The following PIK3R6 variants were observed in gnomAD, a reference collection of about 807,000 sequenced individuals.
The protein encoded by PIK3R6 is phosphoinositide-3-kinase regulatory subunit 6, also known as phosphoinositide 3-kinase regulatory subunit 6.
Under a neutral mutation model 84.9 loss-of-function variants are expected in PIK3R6, and 91 were observed. The observed-to-expected ratio is 1.07, with a 90% confidence interval of 0.90 to 1.28. PIK3R6 has a LOEUF of 1.28. PIK3R6 is among the 50% of genes most tolerant of loss of function. The pLI is 0.00. For synonymous variants in PIK3R6, 416 were observed against 411.4 expected (o/e 1.01, Z -0.13); for missense variants, 996 against 985.1 (o/e 1.01, Z -0.15).
chr17:8,834,067 G>T (rs2088363673), intron 8 of PIK3R6, among the ~76,000 whole-genome samples: 1 of 148,606 alleles, frequency 6.7e-6, no homozygotes, highest in South Asian at 2.1e-4. Context: ...TGAGGCAGGA[G>T]AATGGCGTGA....
At chr17:8,824,071 A>C (rs951906717) in intron 13 of PIK3R6, among the ~76,000 whole-genome samples, 12 of 152,192 alleles carry the variant, frequency 7.9e-5, no homozygotes, top group Non-Finnish European at 5.9e-5. Context: ...GGAGTTCGAG[A>C]CCAGCCTGAC....
intron 7 of PIK3R6, among the ~76,000 whole-genome samples, chr17:8,836,281 G>T (rs779243672): frequency 1.3e-5 from 2 of 152,216 alleles, no homozygotes; most frequent in Non-Finnish European, 2.9e-5. Flanking sequence ...CCGAGGCCAT[G>T]TCCACCTTCT....
At chr17:8,829,192 T>TAC in intron 10 of PIK3R6, among the ~76,000 whole-genome samples, 1 of 146,444 alleles carries the variant, frequency 6.8e-6, no homozygotes, top group East Asian at 2.0e-4. Context: ...CAGACAGACA[T>TAC]ACACACACGT....
chr17:8,838,491 G>T, intron 4 of PIK3R6, 73 bp downstream of exon 4: 1 of 1,386,018 alleles, frequency 7.2e-7, no homozygotes. Context: ...GCGCTGCCAG[G>T]ACTGAGCCCC....
intron 18 of PIK3R6, among the ~76,000 whole-genome samples, chr17:8,812,144 A>G (rs1051046641): frequency 2.0e-5 from 3 of 152,192 alleles, no homozygotes; most frequent in South Asian, 2.1e-4. Context: ...CCACCATCAG[A>G]TCTTGTGAGA....
At position 8,828,902 on chromosome 17, in the gene PIK3R6, C is replaced by G. The variant is rs765808742; in HGVS notation, c.978G>C (p.Pro326=). 6.4e-7 allele frequency: 1 copy of G among 1,552,706 alleles called. No homozygotes were observed. Among genetic ancestry groups the G allele is most frequent in the African/African-American group, 1.4e-5 (1 of 72,778 alleles). The change falls in exon 11 of 20, where the codon CCG becomes CCC. Residue 326 remains proline, a synonymous_variant. Coordinates refer to ENST00000619866, the MANE Select transcript of PIK3R6 (RefSeq NM_001010855.4). ...LEVLDLQGLR[P]DRELARVSVL... is the part of the protein sequence containing the mutation. ...CAGAAACCCGGGCCAACTCCCGGTCCGGCCGGAGGCCCTGCAGATCCAAGA... is the reference window on the plus strand; with the variant it reads ...CAGAAACCCGGGCCAACTCCCGGTCGGGCCGGAGGCCCTGCAGATCCAAGA...
At chr17:8,851,476 G>A (rs951394753) in intron 1 of PIK3R6, among the ~76,000 whole-genome samples, 2 of 152,132 alleles carry the variant, frequency 1.3e-5, no homozygotes, top group East Asian at 3.9e-4. Context: ...CAGCCTGGGC[G>A]ACAGAGTGAG....
chr17:8,858,605 G>C (rs2089200056), intron 1 of PIK3R6, among the ~76,000 whole-genome samples: 1 of 152,112 alleles, frequency 6.6e-6, no homozygotes, highest in South Asian at 2.1e-4. Context: ...GCGTGAGCCA[G>C]GCGCCTGGCT....
rs375529511 is a variant in PIK3R6 at position 8,827,272 on chromosome 17, G to A, written c.1415C>T (p.Pro472Leu). ...GAACGTAGCCAGCTCTCCCAGCTCC[G>A]GCTGCCTGGATGCTGCAGGCTTCTG... Reference protein sequence around the residue: ...APEKPAASRQPELGELATFLG... With the variant: ...APEKPAASRQLELGELATFLG... Residue 472 changes from proline to leucine, a missense_variant, in exon 13 of 20, where the codon CCG becomes CTG. By Grantham distance (98) the Pro-to-Leu change is moderately conservative. Transcript: ENST00000619866. 9.0e-5 allele frequency: 140 copies of A among 1,562,594 alleles called. No homozygotes were observed. Among genetic ancestry groups the A allele is most frequent in the Non-Finnish European group, 1.1e-4 (129 of 1,153,702 alleles).
At chr17:8,864,599 G>A (rs767756567) in intron 1 of PIK3R6, among the ~76,000 whole-genome samples, 11 of 131,550 alleles carry the variant, frequency 8.4e-5, no homozygotes, top group African/African-American at 1.2e-4. Context: ...GTGCAGTGGC[G>A]CAATCTCGTC....
intron 8 of PIK3R6, among the ~76,000 whole-genome samples, chr17:8,833,321 C>T (rs562871919): frequency 6.6e-6 from 1 of 152,244 alleles, no homozygotes; most frequent in Non-Finnish European, 1.5e-5. Context: ...TAGCCACTGA[C>T]GCCCACTTCC....
At chr17:8,845,891 T>G (rs1254676422) in intron 2 of PIK3R6, among the ~76,000 whole-genome samples, 1 of 152,110 alleles carries the variant, frequency 6.6e-6, no homozygotes, top group East Asian at 1.9e-4. Context: ...GAGCTGAGAT[T>G]ACGCCACTGC....
chr17:8,838,076 T>TG lies in PIK3R6; in HGVS notation c.190-206dup, dbSNP rs147023096. ...GCCCCTCAGTGAGGGTGTGGGAGCG[T>TG]GGGGGGGCCTCAGAGAACTCTGCAG... On this transcript the variant is annotated intron_variant, in intron 4 of 19. Coordinates refer to ENST00000619866, the MANE Select transcript of PIK3R6 (RefSeq NM_001010855.4). Among the ~76,000 whole-genome samples the TG allele has an allele frequency of 7.2e-3, 1,090 of 151,620 alleles. 12 individuals carry two copies. The highest frequency in any genetic ancestry group is 0.021 in the African/African-American group (857 of 41,286).
chr17:8,816,500 G>T lies in PIK3R6; in HGVS notation c.1995+2583C>A, dbSNP rs114228602. Among the ~76,000 whole-genome samples the T allele has an allele frequency of 6.0e-3, 908 of 152,200 alleles. 15 individuals carry two copies. Among genetic ancestry groups the T allele is most frequent in the African/African-American group, 0.02 (841 of 41,536 alleles). On this transcript the variant is annotated intron_variant, in intron 18 of 19. Coordinates refer to ENST00000619866, the MANE Select transcript of PIK3R6 (RefSeq NM_001010855.4). ...TAAAGGAAAATGATTAGTAGATTTTGCAACATCACAATATAAGGCTATTTT... is the reference window on the plus strand; with the variant it reads ...TAAAGGAAAATGATTAGTAGATTTTTCAACATCACAATATAAGGCTATTTT...
chr17:8,841,572 A>T (rs1317546011), intron 2 of PIK3R6, among the ~76,000 whole-genome samples: 1 of 152,132 alleles, frequency 6.6e-6, no homozygotes, highest in African/African-American at 2.4e-5. Flanking sequence ...TAAATCCCCA[A>T]CTGGCTTTTC....
At chr17:8,804,744 G>T (rs1265696850) in intron 18 of PIK3R6, among the ~76,000 whole-genome samples, 1 of 152,142 alleles carries the variant, frequency 6.6e-6, no homozygotes, top group African/African-American at 2.4e-5. Flanking sequence ...AGCATTGTGG[G>T]TTCCAGGTGG....
rs983758263 is a variant in PIK3R6, at chr17:8,839,877, C to T, written c.14-180G>A. 3.3e-5 allele frequency among the ~76,000 whole-genome samples: 5 copies of T among 152,320 alleles called. No individual in the cohort carries two copies. Among genetic ancestry groups the T allele is most frequent in the African/African-American group, 9.6e-5 (4 of 41,574 alleles). On this transcript the variant is annotated intron_variant, in intron 2 of 19. Coordinates refer to ENST00000619866, the MANE Select transcript of PIK3R6 (RefSeq NM_001010855.4). The surrounding 1 kb of genome is among the most constrained non-coding windows in gnomAD (Gnocchi z 4.2). ...GGCTGGAATATAGCCTTCCCTTCCA[C>T]GTTTCTGTGTTCTTTGTAAAACCTG...
chr17:8,835,189 G>C (rs2088410629), intron 8 of PIK3R6, 84 bp downstream of exon 8: 6 of 1,289,030 alleles, frequency 4.7e-6, no homozygotes, highest in Non-Finnish European at 5.1e-6. Flanking sequence ...AACAGGAGAA[G>C]GAGGAAGAGC....
chr17:8,842,647 G>A lies in PIK3R6; in HGVS notation c.14-2950C>T, dbSNP rs940199240. On this transcript the variant is annotated intron_variant, in intron 2 of 19. Transcript: ENST00000619866. This position sits in a 1 kb window ranked among gnomAD's most constrained non-coding sequence, Gnocchi z 4.5. Reference sequence around the variant, plus strand: ...TCCCACCAAGAGTTTGCCATTATAGGTGAGTGTGTATTCTCCAGTTGTCAG... The same window carrying A: ...TCCCACCAAGAGTTTGCCATTATAGATGAGTGTGTATTCTCCAGTTGTCAG... Among the ~76,000 whole-genome samples the A allele has an allele frequency of 6.6e-6, 1 of 151,996 alleles. No homozygotes were observed. Among genetic ancestry groups the A allele is most frequent in the East Asian group, 1.9e-4 (1 of 5,170 alleles).
Sources: gnomAD v4.1 joint callset for allele counts (sites outside exome capture counted in the v4.1 genomes callset) on GRCh38, gnomAD v4.1.1 for gene constraint, Gnocchi (gnomAD v3.1) non-coding constraint, MANE v1.5 for transcripts, NCBI Gene and HGNC (gene_info 2026-07-23, HGNC 2026-07-21) for gene names.